NAA11: variants seen among roughly 807,000 people sequenced by gnomAD.
The protein encoded by NAA11 is N-alpha-acetyltransferase 11, NatA catalytic subunit.
In NAA11, 15 loss-of-function variants were observed where a neutral mutation model predicts 16.1. The ratio of observed to expected loss-of-function variants is 0.93; its 90% CI spans 0.62 to 1.44. The LOEUF is 1.44. Ranked by LOEUF, NAA11 falls within the 40% of genes most tolerant of loss-of-function variation. The pLI, the probability that NAA11 is intolerant of heterozygous loss-of-function variation, is 0.00. For missense variants in NAA11, 298 were observed against 291.3 expected, an observed-to-expected ratio of 1.02 and a Z score of -0.17; for synonymous variants, 122 against 112.4, an observed-to-expected ratio of 1.09 and a Z score of -0.54.
At chr4:79,287,233 T>C (rs1317992049) in intron 2 of NAA11, among the ~76,000 whole-genome samples, 1 of 152,154 alleles carries the variant, frequency 6.6e-6, no homozygotes, top group East Asian at 1.9e-4. Context: ...GAACCACATA[T>C]GTCATATTAG....
intron 1 of NAA11, among the ~76,000 whole-genome samples, chr4:79,303,085 T>G (rs1415763420): frequency 2.1e-4 from 5 of 23,518 alleles, no homozygotes; most frequent in African/African-American, 4.9e-4. Flanking sequence ...TTTATATATA[T>G]ATATATATAT....
At chr4:79,224,127 C>T (rs956698324), downstream of NAA11, among the ~76,000 whole-genome samples, 1 of 151,954 alleles carries the variant, frequency 6.6e-6, no homozygotes, top group African/African-American at 2.4e-5. Flanking sequence ...AACCACAGGG[C>T]GGTAGTCAAG....
intron 2 of NAA11, among the ~76,000 whole-genome samples, chr4:79,252,506 G>T (rs1161809081): frequency 3.9e-5 from 6 of 152,028 alleles, no homozygotes; most frequent in Non-Finnish European, 5.9e-5. Context: ...ATATAAAAAT[G>T]TAATATAAAT....
At chr4:79,271,691 A>G (rs1368163538) in intron 2 of NAA11, among the ~76,000 whole-genome samples, 2 of 152,100 alleles carry the variant, frequency 1.3e-5, no homozygotes, top group Admixed American at 6.6e-5. Context: ...CAAATTAAGA[A>G]AACAATGTTT....
intron 2 of NAA11, among the ~76,000 whole-genome samples, chr4:79,230,826 A>C (rs1427447235): frequency 2.0e-5 from 3 of 152,010 alleles, no homozygotes. Context: ...ACTCATTTGG[A>C]ACTGGAAAAT....
the NAA11 span, among the ~76,000 whole-genome samples, chr4:79,212,369 T>TTGTC: frequency 6.6e-6 from 1 of 152,222 alleles, no homozygotes; most frequent in South Asian, 2.1e-4. Context: ...TTTAAATCAG[T>TTGTC]TGTCGGCTTG....
the NAA11 span, among the ~76,000 whole-genome samples, chr4:79,192,962 A>G: frequency 6.6e-6 from 1 of 152,056 alleles, no homozygotes; most frequent in South Asian, 2.1e-4. Flanking sequence ...TTTGATTTGT[A>G]TTTCTCTGAT....
chr4:79,203,730 T>C, the NAA11 span, among the ~76,000 whole-genome samples: 1 of 151,458 alleles, frequency 6.6e-6, no homozygotes, highest in African/African-American at 2.4e-5. Context: ...ATTAAAAATA[T>C]CAGAAAATAT....
chr4:79,249,307 A>G (rs1215629667), intron 2 of NAA11, among the ~76,000 whole-genome samples: 3 of 152,264 alleles, frequency 2.0e-5, no homozygotes, highest in Non-Finnish European at 4.4e-5. Context: ...GAATATGGAT[A>G]GGAATGAAGA....
the NAA11 span, among the ~76,000 whole-genome samples, chr4:79,161,963 G>T: frequency 6.6e-6 from 1 of 152,180 alleles, no homozygotes; most frequent in Non-Finnish European, 1.5e-5. Context: ...TTAGAGGCGT[G>T]AGCCACCACA....
At chr4:79,248,295 C>A (rs1033265923) in intron 2 of NAA11, among the ~76,000 whole-genome samples, 1 of 152,130 alleles carries the variant, frequency 6.6e-6, no homozygotes, top group Non-Finnish European at 1.5e-5. Flanking sequence ...CAACTGCAAC[C>A]TCCCCCATAC....
the NAA11 span, among the ~76,000 whole-genome samples, chr4:79,193,704 T>C: frequency 6.6e-6 from 1 of 152,196 alleles, no homozygotes; most frequent in Non-Finnish European, 1.5e-5. Context: ...GATTTGGCAA[T>C]GCGGGCTCTT....
At chr4:79,290,610 C>T (rs1476720791) in intron 2 of NAA11, among the ~76,000 whole-genome samples, 2 of 152,154 alleles carry the variant, frequency 1.3e-5, no homozygotes, top group Non-Finnish European at 2.9e-5. Flanking sequence ...CCCTGGCAGG[C>T]ACTCTCCCAG....
chr4:79,312,851 G>T (rs1334731124), downstream of NAA11, among the ~76,000 whole-genome samples: 1 of 152,050 alleles, frequency 6.6e-6, no homozygotes, highest in Non-Finnish European at 1.5e-5. Context: ...GTGTTTGTGT[G>T]AATTCCTTTA....
the NAA11 span, among the ~76,000 whole-genome samples, chr4:79,180,415 G>C: frequency 6.6e-6 from 1 of 152,242 alleles, no homozygotes; most frequent in South Asian, 2.1e-4. Context: ...CCATCAAAAA[G>C]TGGGCGAAGG....
chr4:79,294,280 C>T (rs1723159381), intron 1 of NAA11, among the ~76,000 whole-genome samples: 1 of 152,162 alleles, frequency 6.6e-6, no homozygotes, highest in Non-Finnish European at 1.5e-5. Flanking sequence ...ATTACCACAT[C>T]GTCTCCCTTT....
At chr4:79,162,396 T>C in the NAA11 span, among the ~76,000 whole-genome samples, 1 of 152,116 alleles carries the variant, frequency 6.6e-6, no homozygotes, top group Non-Finnish European at 1.5e-5. Context: ...AAATTGGGAT[T>C]GATAAGCCTC....
At chr4:79,189,828 G>A in the NAA11 span, among the ~76,000 whole-genome samples, 10 of 152,302 alleles carry the variant, frequency 6.6e-5, no homozygotes, top group East Asian at 1.5e-3. Flanking sequence ...CAAGTCTGAA[G>A]ACATAGAAAA....
chr4:79,244,190 T>C (rs571849169), intron 2 of NAA11, among the ~76,000 whole-genome samples: 6 of 152,306 alleles, frequency 3.9e-5, no homozygotes, highest in Non-Finnish European at 7.3e-5. Context: ...AAGTTATCGC[T>C]TTTAGAGAGG....
Sources: allele counts gnomAD v4.1 joint callset (sites outside exome capture counted in the v4.1 genomes callset), GRCh38; gene constraint gnomAD v4.1.1; transcripts MANE v1.5; gene names NCBI Gene and HGNC (gene_info 2026-07-23, HGNC 2026-07-21).